TMEM154: variants seen among roughly 807,000 people sequenced by gnomAD.
TMEM154 encodes transmembrane protein 154.
Under a neutral mutation model 24.5 loss-of-function variants are expected in TMEM154, and 27 were observed. The observed-to-expected ratio is 1.10, with a 90% confidence interval of 0.81 to 1.52. TMEM154 has a LOEUF of 1.52. Among genes scored for constraint, TMEM154 ranks in the 40% most tolerant of loss-of-function variants. The pLI is 0.00. For missense variants in TMEM154, 228 were observed against 213.4 expected, an observed-to-expected ratio of 1.07 and a Z score of -0.43; for synonymous variants, 67 against 76.8, an observed-to-expected ratio of 0.87 and a Z score of 0.67.
In TMEM154 at chr4:152,624,529, A is replaced by T. The variant is rs1307006766; in HGVS notation, c.*4017T>A. The T allele has an allele frequency of 6.6e-6, 1 of 152,182 alleles. No individual in the cohort carries two copies. The highest frequency in any genetic ancestry group is 2.4e-5 in the African/African-American group (1 of 41,414). 9.4% of individuals were successfully genotyped at this position (152,182 alleles called of 1,614,324 possible). ...GGTAATAGAATCACCTGAGCCTGGG[A>T]AGTTGAGGCTGCAGTGAGCCATAAT... On this transcript the variant is annotated 3_prime_UTR_variant, in exon 7 of 7. Coordinates refer to ENST00000304385, the MANE Select transcript of TMEM154 (RefSeq NM_152680.3).
At chr4:152,629,788 G>A (rs960222536) in intron 6 of TMEM154, among the ~76,000 whole-genome samples, 4 of 152,052 alleles carry the variant, frequency 2.6e-5, no homozygotes, top group African/African-American at 4.8e-5. Context: ...AAAGGACTTC[G>A]GAGCAACTGA....
chr4:152,628,704 T>A, intron 6 of TMEM154, 143 bp from the exon 7 acceptor site: 3 of 1,052,460 alleles, frequency 2.9e-6, no homozygotes, highest in Non-Finnish European at 3.9e-6. Flanking sequence ...TGGCACAATC[T>A]CGGCCCACTG....
chr4:152,677,846 G>A (rs764652519), intron 1 of TMEM154, among the ~76,000 whole-genome samples: 1 of 152,062 alleles, frequency 6.6e-6, no homozygotes, highest in African/African-American at 2.4e-5. Flanking sequence ...CATTTATGCT[G>A]AGCCCTTACA....
intron 1 of TMEM154, among the ~76,000 whole-genome samples, chr4:152,663,358 A>G (rs1728653516): frequency 6.6e-6 from 1 of 152,266 alleles, no homozygotes; most frequent in East Asian, 1.9e-4. Flanking sequence ...TAGCAAAGCT[A>G]CAGAAGACAG....
chr4:152,662,425 A>G (rs1728630361), intron 1 of TMEM154, among the ~76,000 whole-genome samples: 1 of 152,214 alleles, frequency 6.6e-6, no homozygotes. Flanking sequence ...ATCAAATGTC[A>G]TCAAAAGGTG....
intron 6 of TMEM154, among the ~76,000 whole-genome samples, chr4:152,634,358 C>CT (rs1752107914): frequency 6.6e-6 from 1 of 152,180 alleles, no homozygotes; most frequent in African/African-American, 2.4e-5. Flanking sequence ...TATGTTAAAA[C>CT]TTTCTTGTGT....
chr4:152,640,865 C>T (rs903754010), intron 6 of TMEM154, 63 bp downstream of exon 6: 10 of 1,397,314 alleles, frequency 7.2e-6, no homozygotes, highest in Non-Finnish European at 9.0e-6. Flanking sequence ...GTGTTCCACC[C>T]TGGTTCCCAA....
intron 6 of TMEM154, among the ~76,000 whole-genome samples, chr4:152,638,148 CCCAA>C (rs1422623856): frequency 6.6e-6 from 1 of 152,124 alleles, no homozygotes; most frequent in African/African-American, 2.4e-5. Context: ...AACCTGTGGT[CCCAA>C]CTACTCTGGA....
Position 152,627,496 on chromosome 4 carries a change from G to C in TMEM154, c.*1050C>G, listed in dbSNP as rs1751940462. On this transcript the variant is annotated 3_prime_UTR_variant, in exon 7 of 7. Coordinates refer to ENST00000304385, the MANE Select transcript of TMEM154 (RefSeq NM_152680.3). Reference sequence around the variant, plus strand: ...TTTCCATTTTGTGCCATTGCTTTTAGCACAAGGATGTCAAAAATATCACAT... The same window carrying C: ...TTTCCATTTTGTGCCATTGCTTTTACCACAAGGATGTCAAAAATATCACAT... 1 of 152,174 alleles carries C rather than the reference G, an allele frequency of 6.6e-6. No individual in the cohort carries two copies. Among genetic ancestry groups the C allele is most frequent in the Admixed American group, 6.5e-5 (1 of 15,276 alleles). The allele number at this position is 152,174 out of a possible 1,614,324, so 9.4% of individuals were successfully genotyped here.
At position 152,628,354 on chromosome 4, in the gene TMEM154, A is replaced by G. The variant is rs969608371; in HGVS notation, c.*192T>C. On this transcript the variant is annotated 3_prime_UTR_variant, in exon 7 of 7. Coordinates refer to ENST00000304385, the MANE Select transcript of TMEM154 (RefSeq NM_152680.3). Reference sequence around the variant, plus strand: ...GCCAGGCCTTTTCCTAGTACTTCTCAATTGCACATTCTTCCAAGTGCAAGT... The same window carrying G: ...GCCAGGCCTTTTCCTAGTACTTCTCGATTGCACATTCTTCCAAGTGCAAGT... 1.0e-6 allele frequency: 1 copy of G among 970,290 alleles called. No individual in the cohort carries two copies. The highest frequency in any genetic ancestry group is 2.2e-5 in the Admixed American group (1 of 45,714). The allele number at this position is 970,290 out of a possible 1,614,324, so 60.1% of individuals were successfully genotyped here. A position where few individuals can be genotyped will look rare whatever the true frequency, so the allele number is the denominator to read the frequency against.
At chr4:152,647,354 G>A (rs553560580) in intron 3 of TMEM154, 1 of 984,080 alleles carries the variant, frequency 1.0e-6, no homozygotes, top group East Asian at 1.1e-4. Context: ...TTTTGCTCAT[G>A]TAAATATTCT....
At chr4:152,630,480 G>C (rs1752016804) in intron 6 of TMEM154, among the ~76,000 whole-genome samples, 3 of 152,050 alleles carry the variant, frequency 2.0e-5, no homozygotes, top group African/African-American at 4.8e-5. Context: ...TTAGAAATTG[G>C]GTGGTAGTAA....
chr4:152,655,076 G>A (rs1418526647), intron 1 of TMEM154, among the ~76,000 whole-genome samples: 1 of 151,406 alleles, frequency 6.6e-6, no homozygotes, highest in African/African-American at 2.4e-5. Flanking sequence ...GCTTCAAAAT[G>A]GCTGACTAGA....
At chr4:152,657,727 C>T (rs1184273635) in intron 1 of TMEM154, among the ~76,000 whole-genome samples, 3 of 152,110 alleles carry the variant, frequency 2.0e-5, no homozygotes, top group Admixed American at 1.3e-4. Flanking sequence ...CGCATGTAGT[C>T]ACCTATAAAG....
intron 6 of TMEM154, among the ~76,000 whole-genome samples, chr4:152,635,127 A>C (rs1024596515): frequency 2.0e-5 from 3 of 152,168 alleles, no homozygotes. Context: ...AGACAGGCCA[A>C]AAAAAGCTCG....
chr4:152,640,198 A>G (rs1187884882), intron 6 of TMEM154, among the ~76,000 whole-genome samples: 1 of 152,110 alleles, frequency 6.6e-6, no homozygotes, highest in Non-Finnish European at 1.5e-5. Flanking sequence ...GCATAGGCTC[A>G]AGTTTTCTTC....
At chr4:152,628,887 T>C (rs912046412) in intron 6 of TMEM154, among the ~76,000 whole-genome samples, 6 of 151,938 alleles carry the variant, frequency 3.9e-5, no homozygotes, top group Non-Finnish European at 7.4e-5. Flanking sequence ...CCTTGTGATC[T>C]GCCCACCTTG....
intron 3 of TMEM154, among the ~76,000 whole-genome samples, chr4:152,650,704 C>A (rs1579521415): frequency 1.3e-5 from 2 of 152,212 alleles, no homozygotes; most frequent in Admixed American, 1.3e-4. Context: ...GACTCACCAT[C>A]TATGGCAGCT....
chr4:152,640,989 G>GCATA lies in TMEM154; in HGVS notation c.479-5_479-4insTATG, dbSNP rs1752247644. On this transcript the variant is annotated splice_region_variant and splice_polypyrimidine_tract_variant and intron_variant, in intron 5 of 6. Transcript: ENST00000304385. ...GTAGGTAAACATTCAAAGTCGGCTA[G>GCATA]GACAGAATAAAAGCAAACTCATTGT... The GCATA allele has an allele frequency of 4.4e-6, 7 of 1,608,108 alleles. No homozygotes were observed. The Admixed American group carries it at 6.8e-5, about 16-fold the overall frequency.
Sources: gnomAD v4.1 joint callset for allele counts (sites outside exome capture counted in the v4.1 genomes callset) on GRCh38, gnomAD v4.1.1 for gene constraint, MANE v1.5 for transcripts, NCBI Gene and HGNC (gene_info 2026-07-23, HGNC 2026-07-21) for gene names.